Variants in PLAC1 observed in about 807,000 individuals in gnomAD.
The protein encoded by PLAC1 is placenta-specific protein 1.
For synonymous variants in PLAC1, 68 were observed against 62.1 expected (o/e 1.09, Z -0.44); for missense variants, 136 against 163.2 (o/e 0.83, Z 0.91).
chrX:134,712,727 G>A (rs776006200), intron 2 of PLAC1, among the ~76,000 whole-genome samples: 2 of 111,276 alleles, frequency 1.8e-5, no homozygotes, highest in African/African-American at 3.3e-5. Context: ...TGCCTCTCCC[G>A]GTTCATCTCT....
intron 1 of PLAC1, among the ~76,000 whole-genome samples, chrX:134,649,097 T>C (rs2078348982): frequency 1.8e-5 from 2 of 109,836 alleles, no homozygotes; most frequent in South Asian, 8.1e-4. Flanking sequence ...TGAAGCCCCA[T>C]CTCTACTAAA....
Position 134,566,551 on chromosome X carries a change from T to A in PLAC1, c.132A>T (p.Leu44=), listed in dbSNP as rs1216551427. 8.3e-7 allele frequency: 1 copy of A among 1,210,287 alleles called. No individual in the cohort carries two copies. Among genetic ancestry groups the A allele is most frequent in the African/African-American group, 1.7e-5 (1 of 57,251 alleles). ...GAAAGTGTACACACACATCGTTGTT[T>A]AGCATGAAGGGGTGCACTGTGACCA... The part of the protein sequence containing the change: ...WFMVTVHPFM[L]NNDVCVHFHE... The change falls in exon 3 of 3, where the codon CTA becomes CTT. Residue 44 remains leucine, a synonymous_variant. Coordinates refer to ENST00000359237, the MANE Select transcript of PLAC1 (RefSeq NM_021796.4).
intron 2 of PLAC1, among the ~76,000 whole-genome samples, chrX:134,579,832 G>C (rs1192489594): frequency 9.0e-6 from 1 of 111,634 alleles, no homozygotes; most frequent in African/African-American, 3.3e-5. Flanking sequence ...CCACATCCAA[G>C]AAGAGCAGAT....
chrX:134,669,193 A>T (rs758374710), intron 2 of PLAC1, among the ~76,000 whole-genome samples: 1 of 111,706 alleles, frequency 9.0e-6, no homozygotes, highest in Non-Finnish European at 1.9e-5. Flanking sequence ...ATGTGGTTCA[A>T]TTAAGTCCGC....
intron 1 of PLAC1, among the ~76,000 whole-genome samples, chrX:134,611,830 C>G (rs896690460): frequency 9.0e-6 from 1 of 110,900 alleles, no homozygotes; most frequent in Non-Finnish European, 1.9e-5. Flanking sequence ...CTGCTCTGCC[C>G]AACTCTAGGT....
At chrX:134,571,373 TAAGA>T (rs1409313072) in intron 2 of PLAC1, among the ~76,000 whole-genome samples, 6 of 111,807 alleles carry the variant, frequency 5.4e-5, no homozygotes, top group Non-Finnish European at 1.1e-4. Flanking sequence ...TGCCTTACTT[TAAGA>T]AGTAGAGAGT....
At chrX:134,699,853 A>G (rs1233802674) in intron 2 of PLAC1, among the ~76,000 whole-genome samples, 2 of 112,004 alleles carry the variant, frequency 1.8e-5, no homozygotes, top group Admixed American at 9.5e-5. Context: ...ACAAGTCTAC[A>G]AACCCCCTGT....
chrX:134,736,483 C>A (rs1481760541), intron 1 of PLAC1, among the ~76,000 whole-genome samples: 2 of 110,009 alleles, frequency 1.8e-5, no homozygotes, highest in Non-Finnish European at 3.8e-5. Flanking sequence ...CCCCCACCGC[C>A]CCGACTCCTG....
intron 1 of PLAC1, among the ~76,000 whole-genome samples, chrX:134,628,144 G>T (rs2078244847): frequency 8.9e-6 from 1 of 112,386 alleles, no homozygotes; most frequent in African/African-American, 3.2e-5. Flanking sequence ...TATTATTAAT[G>T]TTATTATTAA....
intron 1 of PLAC1, among the ~76,000 whole-genome samples, chrX:134,750,458 C>T (rs906433413): frequency 2.7e-5 from 3 of 110,192 alleles, no homozygotes; most frequent in East Asian, 2.8e-4. Context: ...AAAACATTTA[C>T]GCTATGGGTC....
At chrX:134,680,830 T>C (rs898793908) in intron 2 of PLAC1, among the ~76,000 whole-genome samples, 4 of 112,020 alleles carry the variant, frequency 3.6e-5, no homozygotes, top group Non-Finnish European at 5.6e-5. Context: ...GAAGGCACTG[T>C]ACTTTCTCAA....
intron 1 of PLAC1, among the ~76,000 whole-genome samples, chrX:134,751,381 T>TCAA (rs989366496): frequency 9.1e-6 from 1 of 109,862 alleles, no homozygotes; most frequent in Non-Finnish European, 1.9e-5. Context: ...TGCATCACCA[T>TCAA]CAACAACAAC....
Position 134,566,114 on chromosome X carries a change from T to C in PLAC1, c.569A>G (p.Gln190Arg). Residue 190 changes from glutamine to arginine, a missense_variant, in exon 3 of 3, where the codon CAG becomes CGG. Transcript: ENST00000359237. ...AGAAATATCAAGAAAGTGAGATGGCTGCAGAGGTTGAGCCTCCTGAGCCCC... is the reference window on the plus strand; with the variant it reads ...AGAAATATCAAGAAAGTGAGATGGCCGCAGAGGTTGAGCCTCCTGAGCCCC... ...QAGAQEAQPL[Q>R]PSHFLDISED... The C allele has an allele frequency of 1.7e-6, 2 of 1,209,053 alleles. No individual in the cohort carries two copies. Among genetic ancestry groups the C allele is most frequent in the Non-Finnish European group, 2.2e-6 (2 of 892,836 alleles).
At chrX:134,673,137 T>C (rs1266639219) in intron 2 of PLAC1, among the ~76,000 whole-genome samples, 1 of 110,041 alleles carries the variant, frequency 9.1e-6, no homozygotes, top group Non-Finnish European at 1.9e-5. Context: ...GGCTAAAGTA[T>C]TTTTAAAATG....
chrX:134,622,499 G>A (rs1056668084), intron 1 of PLAC1, among the ~76,000 whole-genome samples: 3 of 111,523 alleles, frequency 2.7e-5, no homozygotes, highest in Non-Finnish European at 5.6e-5. Flanking sequence ...CACTTTGACA[G>A]CTGGAGCTCC....
chrX:134,735,789 G>A (rs908737828), intron 1 of PLAC1, among the ~76,000 whole-genome samples: 1 of 110,240 alleles, frequency 9.1e-6, no homozygotes, highest in African/African-American at 3.3e-5. Flanking sequence ...GGCATCTCTG[G>A]ACAGGTGAGC....
intron 1 of PLAC1, among the ~76,000 whole-genome samples, chrX:134,612,043 C>A (rs147829861): frequency 8.9e-6 from 1 of 112,301 alleles, no homozygotes; most frequent in African/African-American, 3.2e-5. Flanking sequence ...ACTCTGCCTC[C>A]CTGGTAGATG....
intron 2 of PLAC1, among the ~76,000 whole-genome samples, chrX:134,681,760 T>C (rs914194111): frequency 9.0e-6 from 1 of 111,426 alleles, no homozygotes; most frequent in African/African-American, 3.3e-5. Context: ...AAAAAATTGA[T>C]TGAAAAAACA....
intron 2 of PLAC1, among the ~76,000 whole-genome samples, chrX:134,679,382 G>A (rs1002152169): frequency 8.1e-5 from 9 of 110,919 alleles, no homozygotes; most frequent in Non-Finnish European, 1.1e-4. Context: ...CAGCCACGGG[G>A]TTGGATGATA....
Sources: gnomAD v4.1 joint callset for allele counts (sites outside exome capture counted in the v4.1 genomes callset) on GRCh38, gnomAD v4.1.1 for gene constraint, MANE v1.5 for transcripts, NCBI Gene and HGNC (gene_info 2026-07-23, HGNC 2026-07-21) for gene names.